Variants in ATRN observed in about 807,000 individuals in gnomAD.
ATRN encodes attractin-2.
In ATRN, 54 loss-of-function variants were observed where a neutral mutation model predicts 178.7. The ratio of observed to expected loss-of-function variants is 0.30; its 90% CI spans 0.24 to 0.38. The LOEUF (loss-of-function observed/expected upper bound fraction) is 0.38. ATRN is among the 10% of genes least tolerant of loss of function. ATRN has a pLI of 1.00. For synonymous variants in ATRN, 636 were observed against 663.0 expected (o/e 0.96, Z 0.63); for missense variants, 1,443 against 1,815.1 (o/e 0.79, Z 3.73).
chr20:3,629,824 A>T (rs1216828910), intron 25 of ATRN, among the ~76,000 whole-genome samples: 1 of 152,232 alleles, frequency 6.6e-6, no homozygotes, highest in Non-Finnish European at 1.5e-5. Flanking sequence ...AGACATGAAT[A>T]GGACAAGGCA....
chr20:3,507,694 ATTTTTTTTTTTT>A (rs55823401), intron 1 of ATRN, among the ~76,000 whole-genome samples: 11 of 114,708 alleles, frequency 9.6e-5, no homozygotes, highest in Non-Finnish European at 7.1e-5. Context: ...AGTTAAAAAT[ATTTTTTTTTTTT>A]TTTTTTTTTT....
At chr20:3,621,769 G>C (rs767686419) in intron 24 of ATRN, among the ~76,000 whole-genome samples, 1 of 151,990 alleles carries the variant, frequency 6.6e-6, no homozygotes, top group Admixed American at 6.6e-5. Context: ...AAACCAAAAA[G>C]TATGGGAAAA....
chr20:3,576,487 T>A, intron 13 of ATRN, among the ~76,000 whole-genome samples: 1 of 152,016 alleles, frequency 6.6e-6, no homozygotes. Flanking sequence ...GTTCATAAAA[T>A]AGAAAACTTT....
intron 11 of ATRN, among the ~76,000 whole-genome samples, chr20:3,565,636 C>T (rs1001485078): frequency 7.2e-5 from 11 of 151,958 alleles, no homozygotes; most frequent in African/African-American, 2.4e-4. Context: ...CTTGGTAGTG[C>T]GTGCCTGTAA....
At chr20:3,481,782 G>T (rs2084624960) in intron 1 of ATRN, among the ~76,000 whole-genome samples, 1 of 144,174 alleles carries the variant, frequency 6.9e-6, no homozygotes, top group Non-Finnish European at 1.5e-5. Context: ...TTAGTAATGG[G>T]TGAATTTCCT....
At chr20:3,526,977 C>T (rs147353123) in intron 1 of ATRN, among the ~76,000 whole-genome samples, 50 of 152,102 alleles carry the variant, frequency 3.3e-4, no homozygotes, top group African/African-American at 9.7e-5. Context: ...CATAAAAACC[C>T]TAGAAGAAAA....
chr20:3,511,545 G>T (rs1260490014), intron 1 of ATRN, among the ~76,000 whole-genome samples: 1 of 151,920 alleles, frequency 6.6e-6, no homozygotes, highest in Non-Finnish European at 1.5e-5. Context: ...AACTATACAA[G>T]AAACAATTGG....
At chr20:3,618,866 AAAGG>A (rs1323354260) in intron 24 of ATRN, among the ~76,000 whole-genome samples, 1 of 152,198 alleles carries the variant, frequency 6.6e-6, no homozygotes, top group Non-Finnish European at 1.5e-5. Flanking sequence ...TTTTAAGAAA[AAAGG>A]AAGAGTTGTT....
intron 15 of ATRN, among the ~76,000 whole-genome samples, 167 bp from the exon 16 acceptor site, chr20:3,581,968 G>A (rs1256431439): frequency 6.6e-6 from 1 of 152,094 alleles, no homozygotes; most frequent in Non-Finnish European, 1.5e-5. Context: ...GGCCAGGCAT[G>A]GTGGCTCATG....
At chr20:3,603,914 C>T (rs1213372427) in intron 23 of ATRN, among the ~76,000 whole-genome samples, 191 bp from the exon 24 acceptor site, 1 of 152,068 alleles carries the variant, frequency 6.6e-6, no homozygotes, top group African/African-American at 2.4e-5. Flanking sequence ...CCTCAATTTC[C>T]CAGTCTATAA....
At chr20:3,557,031 A>G (rs2085886837) in intron 6 of ATRN, among the ~76,000 whole-genome samples, 3 of 152,182 alleles carry the variant, frequency 2.0e-5, no homozygotes, top group Admixed American at 2.0e-4. Context: ...CCTTTCTTTT[A>G]AACATACAGA....
rs1019375232 is a variant in ATRN, at chr20:3,497,808, G to A, written c.410+26291G>A. Among the ~76,000 whole-genome samples, 511 of 152,234 alleles carry A rather than the reference G, an allele frequency of 3.4e-3. 5 individuals are homozygous for A. Among genetic ancestry groups the A allele is most frequent in the African/African-American group, 0.012 (489 of 41,530 alleles). ...TCACTTTCAGGTACACCAATCAGAC[G>A]TAGACTTGGTCTTTTCACATAGTCC... is the stretch of plus-strand genomic sequence containing the variant. On this transcript the variant is annotated intron_variant, in intron 1 of 28. Coordinates refer to ENST00000262919, the MANE Select transcript of ATRN (RefSeq NM_139321.3).
intron 1 of ATRN, among the ~76,000 whole-genome samples, chr20:3,513,135 A>C (rs994199258): frequency 6.6e-6 from 1 of 152,032 alleles, no homozygotes; most frequent in African/African-American, 2.4e-5. Flanking sequence ...TGTCAATTTT[A>C]GCTTTTGTTA....
intron 25 of ATRN, among the ~76,000 whole-genome samples, chr20:3,626,001 G>GCTT (rs2086935592): frequency 3.3e-5 from 5 of 152,158 alleles, no homozygotes; most frequent in Non-Finnish European, 5.9e-5. Flanking sequence ...GGAGACCAAA[G>GCTT]TGGGTGGGTC....
intron 1 of ATRN, among the ~76,000 whole-genome samples, chr20:3,497,680 C>G (rs939113643): frequency 8.6e-5 from 13 of 152,036 alleles, no homozygotes; most frequent in Middle Eastern, 3.2e-3. Context: ...GTGGCGTTCT[C>G]TGTATTTCCT....
chr20:3,498,160 T>TA (rs2084907524), intron 1 of ATRN, among the ~76,000 whole-genome samples: 1 of 152,052 alleles, frequency 6.6e-6, no homozygotes, highest in African/African-American at 2.4e-5. Flanking sequence ...AATAGACCAA[T>TA]AACAGGATCT....
At position 3,562,432 on chromosome 20, in the gene ATRN, A is replaced by T. The variant is rs41279368; in HGVS notation, c.1604A>T (p.Tyr535Phe). Residue 535 changes from tyrosine to phenylalanine, a missense_variant, in exon 9 of 29, where the codon TAC becomes TTC. Physicochemically the swap from Tyr to Phe is conservative, Grantham distance 22. Transcript: ENST00000262919. ...ANKYRLADDL[Y>F]RYDVDTQMWT... ...AAGTACCGGCTTGCAGATGATCTCT[A>T]CCGATATGATGTGGATACCCAGATG... 590 of 1,614,106 alleles carry T rather than the reference A, an allele frequency of 3.7e-4. No individual in the cohort carries two copies. The highest frequency in any genetic ancestry group is 4.8e-4 in the Non-Finnish European group (564 of 1,180,002).
intron 6 of ATRN, among the ~76,000 whole-genome samples, chr20:3,556,924 A>G (rs1341488689): frequency 6.6e-6 from 1 of 152,220 alleles, no homozygotes; most frequent in Non-Finnish European, 1.5e-5. Flanking sequence ...ACTTGTTGAC[A>G]GAAGAGGAGC....
At position 3,646,967 on chromosome 20, in the gene ATRN, A is replaced by C; in HGVS notation, c.*120A>C. 3.0e-6 allele frequency: 4 copies of C among 1,314,844 alleles called. No homozygotes were observed. The highest frequency in any genetic ancestry group is 4.0e-6 in the Non-Finnish European group (4 of 988,484). The allele number at this position is 1,314,844 out of a possible 1,614,324, so 81.4% of individuals were successfully genotyped here. A position where few individuals can be genotyped will look rare whatever the true frequency, so the allele number is the denominator to read the frequency against. On this transcript the variant is annotated 3_prime_UTR_variant, in exon 29 of 29. Coordinates refer to ENST00000262919, the MANE Select transcript of ATRN (RefSeq NM_139321.3). ...GCGGGACGGAAGACTGGAAACCCTCAAAGCATCTGACTCACCTGCATGATC... is the reference window on the plus strand; with the variant it reads ...GCGGGACGGAAGACTGGAAACCCTCCAAGCATCTGACTCACCTGCATGATC...
Sources: allele counts gnomAD v4.1 joint callset (sites outside exome capture counted in the v4.1 genomes callset), GRCh38; gene constraint gnomAD v4.1.1; transcripts MANE v1.5; gene names NCBI Gene and HGNC (gene_info 2026-07-23, HGNC 2026-07-21).